The following PCDHA5 variants were observed in gnomAD, a reference collection of about 807,000 sequenced individuals.
PCDHA5 encodes the protein protocadherin alpha 5, also known as protocadherin alpha-5.
A neutral mutation model predicts 61.6 loss-of-function variants in PCDHA5; 43 were observed. The ratio of observed to expected loss-of-function variants is 0.70; its 90% CI spans 0.55 to 0.90. The LOEUF is 0.90. PCDHA5 is among the 40% of genes least tolerant of loss of function. PCDHA5 has a pLI of 0.00. For synonymous variants in PCDHA5, 627 were observed against 543.9 expected (o/e 1.15, Z -2.13); for missense variants, 1,298 against 1,222.7 (o/e 1.06, Z -0.92).
intron 1 of PCDHA5, among the ~76,000 whole-genome samples, chr5:140,925,600 A>G (rs1489455075): frequency 6.6e-6 from 1 of 151,508 alleles, no homozygotes; most frequent in African/African-American, 2.4e-5. Context: ...TACATATGTA[A>G]CAAACCTGCA....
At chr5:140,832,953 T>C (rs2150205519) in intron 1 of PCDHA5, among the ~76,000 whole-genome samples, 88,791 of 151,994 alleles carry the variant, frequency 0.58, 26,721 homozygotes, top group African/African-American at 0.73. Context: ...TAAGTGAGTA[T>C]ACAGAAAATT....
chr5:140,984,644 C>T (rs969349039), intron 3 of PCDHA5, among the ~76,000 whole-genome samples: 20 of 152,136 alleles, frequency 1.3e-4, no homozygotes, highest in African/African-American at 4.3e-4. Context: ...CTGCCTTCTC[C>T]CTGTCCTTCT....
chr5:140,952,219 C>T (rs1442706652), intron 1 of PCDHA5, among the ~76,000 whole-genome samples: 24 of 152,086 alleles, frequency 1.6e-4, no homozygotes, highest in African/African-American at 4.8e-4. Flanking sequence ...CTTTTCCAGG[C>T]ACAGTGTGCA....
intron 1 of PCDHA5, among the ~76,000 whole-genome samples, chr5:140,931,556 A>T (rs2153608416): frequency 6.6e-6 from 1 of 152,166 alleles, no homozygotes; most frequent in East Asian, 1.9e-4. Context: ...ATGTGCAGGA[A>T]TATTGTACCA....
chr5:140,928,258 G>A lies in PCDHA5; in HGVS notation c.2353-50691G>A, dbSNP rs782503341. 15 of 1,614,094 alleles carry A rather than the reference G, an allele frequency of 9.3e-6. No individual in the cohort carries two copies. The Admixed American group carries it at 2.0e-4, about 22-fold the overall frequency. On this transcript the variant is annotated intron_variant, in intron 1 of 3. Transcript: ENST00000529859. The stretch of plus-strand genomic sequence containing the variant: ...ACCCCAGCAGGAACTTTTCGTTGCT[G>A]AAAACAATGGCCCTGGGGCCTCTCT...
At chr5:140,946,210 G>C (rs140796631) in intron 1 of PCDHA5, among the ~76,000 whole-genome samples, 1 of 152,052 alleles carries the variant, frequency 6.6e-6, no homozygotes, top group African/African-American at 2.4e-5. Flanking sequence ...GCACACAAAT[G>C]ACCAACAGGT....
At chr5:140,876,278 C>A (rs1554168451) in intron 1 of PCDHA5, 1 of 1,614,030 alleles carries the variant, frequency 6.2e-7, no homozygotes, top group South Asian at 1.1e-5. Flanking sequence ...GCTTCCGATC[C>A]AGACGAAGGA....
intron 1 of PCDHA5, among the ~76,000 whole-genome samples, chr5:140,921,194 A>T (rs187774850): frequency 1.3e-5 from 2 of 152,046 alleles, no homozygotes; most frequent in Admixed American, 1.3e-4. Context: ...TTCACAATAG[A>T]TTGACAACGA....
intron 1 of PCDHA5, among the ~76,000 whole-genome samples, chr5:140,873,040 T>C (rs2153278087): frequency 6.6e-6 from 1 of 152,312 alleles, no homozygotes; most frequent in South Asian, 2.1e-4. Flanking sequence ...CGTAGAGTGG[T>C]GGTATTACAG....
chr5:140,884,654 T>C, intron 1 of PCDHA5: 1 of 1,602,858 alleles, frequency 6.2e-7, no homozygotes, highest in South Asian at 1.1e-5. Context: ...CTCAGAATGC[T>C]TGAAAGAGGT....
Position 140,849,623 on chromosome 5 carries a change from C to T in PCDHA5, c.2352+25496C>T, listed in dbSNP as rs1554143110. 1.3e-5 allele frequency: 21 copies of T among 1,598,756 alleles called. 2 individuals are homozygous for T. The highest frequency in any genetic ancestry group is 1.5e-5 in the Non-Finnish European group (18 of 1,167,974). ...TTATTGCCCTGATTAGTGTGATCGA[C>T]CTAGACGCAGATGCCAACGGGCAGG... On this transcript the variant is annotated intron_variant, in intron 1 of 3. Transcript: ENST00000529859.
chr5:141,006,636 A>G (rs1322633928), intron 3 of PCDHA5, among the ~76,000 whole-genome samples: 3 of 152,210 alleles, frequency 2.0e-5, no homozygotes, highest in African/African-American at 7.2e-5. Context: ...TGCAATTCAT[A>G]TAAGAGATGA....
chr5:140,915,252 GTTA>G (rs1291041483), intron 1 of PCDHA5, among the ~76,000 whole-genome samples: 2 of 152,012 alleles, frequency 1.3e-5, no homozygotes, highest in African/African-American at 4.8e-5. Flanking sequence ...TGGCCAGGTT[GTTA>G]TTATTTTTGA....
chr5:140,952,444 A>C (rs2094747203), intron 1 of PCDHA5, among the ~76,000 whole-genome samples: 2 of 152,178 alleles, frequency 1.3e-5, no homozygotes. Flanking sequence ...GGCATAATAC[A>C]GCCAGGCTCT....
intron 1 of PCDHA5, among the ~76,000 whole-genome samples, chr5:140,975,537 C>T (rs1554236874): frequency 6.6e-6 from 1 of 152,166 alleles, no homozygotes; most frequent in African/African-American, 2.4e-5. Context: ...ATTCTTAATA[C>T]AGTCCTATTA....
chr5:140,929,931 A>G (rs2086483535), intron 1 of PCDHA5: 1 of 152,250 alleles, frequency 6.6e-6, no homozygotes, highest in Non-Finnish European at 1.5e-5. Flanking sequence ...AAAACAGTGT[A>G]TTCTCTAGCC....
chr5:140,960,467 C>A (rs1554224775), intron 1 of PCDHA5, among the ~76,000 whole-genome samples: 1 of 152,010 alleles, frequency 6.6e-6, no homozygotes, highest in Non-Finnish European at 1.5e-5. Context: ...GAGAAGTAAT[C>A]CTTCTTACAC....
rs781790601 is a variant in PCDHA5 at position 140,870,998 on chromosome 5, C to G, written c.2352+46871C>G. The G allele has an allele frequency of 6.2e-6, 10 of 1,613,366 alleles. No individual in the cohort carries two copies. The Admixed American group carries it at 1.7e-4, about 27-fold the overall frequency. On this transcript the variant is annotated intron_variant, in intron 1 of 3. Transcript: ENST00000529859. Reference sequence around the variant, plus strand: ...GGGCTGTACACGGGCGAGATAAGCACAACGCGTGCCCTGGACGAGGCAGAC... The same window carrying G: ...GGGCTGTACACGGGCGAGATAAGCAGAACGCGTGCCCTGGACGAGGCAGAC...
At chr5:140,984,041 T>A (rs1440161569) in intron 3 of PCDHA5, among the ~76,000 whole-genome samples, 1 of 152,196 alleles carries the variant, frequency 6.6e-6, no homozygotes, top group Non-Finnish European at 1.5e-5. Flanking sequence ...CATAAAATAG[T>A]TCATTGACAA....
Sources: allele counts gnomAD v4.1 joint callset (sites outside exome capture counted in the v4.1 genomes callset), GRCh38; gene constraint gnomAD v4.1.1; transcripts MANE v1.5; gene names NCBI Gene and HGNC (gene_info 2026-07-23, HGNC 2026-07-21).